CTNNA2: variants seen among roughly 807,000 people sequenced by gnomAD.
CTNNA2 encodes the protein catenin alpha-2.
Under a neutral mutation model 101.0 loss-of-function variants are expected in CTNNA2, and 42 were observed. The ratio of observed to expected loss-of-function variants is 0.42; its 90% CI spans 0.32 to 0.54. CTNNA2 has a LOEUF of 0.54. CTNNA2 is among the 20% of genes least tolerant of loss of function. The probability of loss-of-function intolerance (pLI) is 0.14; values close to 1 mark genes in which losing one functional copy is unlikely to be tolerated. For missense variants in CTNNA2, 871 were observed against 1,223.1 expected (o/e 0.71, Z 4.29); for synonymous variants, 450 against 456.4 (o/e 0.99, Z 0.18).
chr2:79,625,170 G>A (rs1371568427), intron 1 of CTNNA2, among the ~76,000 whole-genome samples: 1 of 152,096 alleles, frequency 6.6e-6, no homozygotes, highest in Non-Finnish European at 1.5e-5. Flanking sequence ...AGTGTTACTG[G>A]ATCCTAATAT....
intron 1 of CTNNA2, among the ~76,000 whole-genome samples, chr2:79,624,059 T>A (rs913546672): frequency 6.6e-6 from 1 of 152,100 alleles, no homozygotes; most frequent in African/African-American, 2.4e-5. Flanking sequence ...TCTCTTTCCC[T>A]CCCTGTTTTC....
intron 3 of CTNNA2, among the ~76,000 whole-genome samples, chr2:79,363,571 A>AC (rs1366804611): frequency 6.6e-6 from 1 of 151,938 alleles, no homozygotes; most frequent in Non-Finnish European, 1.5e-5. Context: ...AGCAAAAAAA[A>AC]AAAAATCTCA....
chr2:80,051,917 GT>G (rs1696901321), intron 7 of CTNNA2, among the ~76,000 whole-genome samples: 1 of 152,118 alleles, frequency 6.6e-6, no homozygotes, highest in African/African-American at 2.4e-5. Context: ...TTTCTTTTTG[GT>G]TTATTGAAAA....
intron 7 of CTNNA2, among the ~76,000 whole-genome samples, chr2:79,936,577 C>T (rs560142841): frequency 7.9e-5 from 12 of 151,890 alleles, no homozygotes; most frequent in Admixed American, 5.9e-4. Context: ...TTTCAACCCA[C>T]CTCAGTTGTA....
At chr2:79,870,385 G>A (rs1682490077) in intron 5 of CTNNA2, among the ~76,000 whole-genome samples, 1 of 148,970 alleles carries the variant, frequency 6.7e-6, no homozygotes. Context: ...TTCTGAAAGA[G>A]AAGAAGAAAA....
intron 17 of CTNNA2, among the ~76,000 whole-genome samples, chr2:80,610,338 A>G (rs907835185): frequency 1.3e-5 from 2 of 151,710 alleles, no homozygotes; most frequent in Admixed American, 6.6e-5. Context: ...ACTGCTTTCA[A>G]AGTTCTGAAA....
intron 4 of CTNNA2, among the ~76,000 whole-genome samples, chr2:79,868,427 G>T (rs1682311994): frequency 6.6e-6 from 1 of 152,098 alleles, no homozygotes. Flanking sequence ...CATATCTCTG[G>T]GACAAAAGGC....
rs575453834 is a variant in CTNNA2, at chr2:79,648,671, C to G, written c.-5-2881C>G. 1.2e-4 allele frequency among the ~76,000 whole-genome samples: 18 copies of G among 152,202 alleles called. No individual in the cohort carries two copies. In the South Asian group the frequency reaches 3.3e-3, roughly 28 times the overall value. ...ATGAAGCTAAAATGCCCCTTAGAGG[C>G]AACTCAAAGGGAATCTTACATATCA... On this transcript the variant is annotated intron_variant, in intron 1 of 18. Transcript: ENST00000402739.
chr2:79,196,789 G>C (rs1189647698), intron 1 of CTNNA2, among the ~76,000 whole-genome samples: 1 of 152,202 alleles, frequency 6.6e-6, no homozygotes, highest in African/African-American at 2.4e-5. Flanking sequence ...TCTCAGGGAA[G>C]ACTTGCAAAG....
intron 7 of CTNNA2, among the ~76,000 whole-genome samples, chr2:80,087,176 C>T (rs533573750): frequency 5.3e-5 from 8 of 152,084 alleles, no homozygotes; most frequent in Admixed American, 5.2e-4. Flanking sequence ...CAATTATAGC[C>T]TTGCAAATTC....
At chr2:79,925,238 T>C (rs961501499) in intron 7 of CTNNA2, among the ~76,000 whole-genome samples, 29 of 152,278 alleles carry the variant, frequency 1.9e-4, no homozygotes, top group African/African-American at 6.5e-4. Flanking sequence ...TTTTACATAT[T>C]AGTCTTGAAC....
chr2:80,189,754 A>AAC (rs1553465649), intron 7 of CTNNA2, among the ~76,000 whole-genome samples: 2 of 152,064 alleles, frequency 1.3e-5, no homozygotes, highest in African/African-American at 4.8e-5. Context: ...CAGTTAAAAA[A>AAC]AAAACAAAAC....
chr2:79,538,648 G>T (rs1165924778), intron 1 of CTNNA2, among the ~76,000 whole-genome samples: 1 of 152,170 alleles, frequency 6.6e-6, no homozygotes, highest in Non-Finnish European at 1.5e-5. Flanking sequence ...CAAAGTAGGG[G>T]AGCTCAGAGA....
intron 3 of CTNNA2, among the ~76,000 whole-genome samples, chr2:79,364,290 C>T (rs1454204928): frequency 6.6e-6 from 1 of 152,150 alleles, no homozygotes; most frequent in African/African-American, 2.4e-5. Flanking sequence ...TATAGAATGA[C>T]TTACAAGATG....
chr2:79,297,750 CTATT>C (rs1410621277), intron 2 of CTNNA2, among the ~76,000 whole-genome samples: 5 of 152,012 alleles, frequency 3.3e-5, no homozygotes, highest in Admixed American at 2.0e-4. Flanking sequence ...TTCCTTCTAT[CTATT>C]TATCTATCTA....
chr2:79,508,425 G>A (rs535609101), upstream of CTNNA2, among the ~76,000 whole-genome samples: 6 of 152,114 alleles, frequency 3.9e-5, no homozygotes, highest in South Asian at 2.1e-4. Context: ...CAGCAGTCTC[G>A]GCTTTCTCCT....
chr2:79,743,249 C>G (rs1423850291), intron 2 of CTNNA2, among the ~76,000 whole-genome samples: 2 of 151,940 alleles, frequency 1.3e-5, no homozygotes, highest in African/African-American at 4.8e-5. Context: ...CATTCATTTC[C>G]CCTCCAAACT....
chr2:79,203,645 G>T (rs759243359), intron 2 of CTNNA2, among the ~76,000 whole-genome samples: 3 of 152,142 alleles, frequency 2.0e-5, no homozygotes, highest in Non-Finnish European at 4.4e-5. Flanking sequence ...ATGCAAAAAT[G>T]TTTTTTGCAC....
intron 17 of CTNNA2, among the ~76,000 whole-genome samples, chr2:80,615,414 A>G (rs1358347777): frequency 6.6e-6 from 1 of 151,636 alleles, no homozygotes; most frequent in African/African-American, 2.4e-5. Context: ...ACTATGTAAA[A>G]GGCACGGTGA....
Sources: allele counts gnomAD v4.1 joint callset (sites outside exome capture counted in the v4.1 genomes callset), GRCh38; gene constraint gnomAD v4.1.1; transcripts MANE v1.5; gene names NCBI Gene and HGNC (gene_info 2026-07-23, HGNC 2026-07-21).